NFKB1: variants seen among roughly 807,000 people sequenced by gnomAD.
The protein encoded by NFKB1 is nuclear factor kappa B subunit 1.
Under a neutral mutation model 105.1 loss-of-function variants are expected in NFKB1, and 9 were observed. The ratio of observed to expected loss-of-function variants is 0.09; its 90% confidence interval spans 0.05 to 0.15. The LOEUF is 0.15. Among genes scored for constraint, NFKB1 ranks in the 10% least tolerant of loss-of-function variants. The probability of loss-of-function intolerance (pLI) is 1.00; values close to 1 mark genes in which losing one functional copy is unlikely to be tolerated. For missense variants in NFKB1, 830 were observed against 1,203.7 expected (o/e 0.69, Z 4.59); for synonymous variants, 440 against 442.2 (o/e 1.00, Z 0.06).
At chr4:102,547,303 A>C (rs1279677655) in intron 5 of NFKB1, among the ~76,000 whole-genome samples, 1 of 152,206 alleles carries the variant, frequency 6.6e-6, no homozygotes, top group Non-Finnish European at 1.5e-5. Flanking sequence ...GAAAGAAAGG[A>C]TGAGCTGGCA....
At chr4:102,512,888 A>G (rs1418537824) in intron 1 of NFKB1, among the ~76,000 whole-genome samples, 5 of 152,336 alleles carry the variant, frequency 3.3e-5, no homozygotes, top group Middle Eastern at 6.8e-3. Context: ...ACATATTTTT[A>G]TGGATTTTTG....
chr4:102,604,418 C>T (rs1022364628), intron 16 of NFKB1, among the ~76,000 whole-genome samples: 1 of 152,158 alleles, frequency 6.6e-6, no homozygotes, highest in East Asian at 1.9e-4. Flanking sequence ...CCTGCATAAC[C>T]TCAGAACAGT....
rs4648051 is a variant in NFKB1, at chr4:102,593,836, A to G, written c.1210+268A>G. Among the ~76,000 whole-genome samples the G allele has an allele frequency of 0.25, 37,351 of 151,998 alleles. 5,853 individuals are homozygous for G. The highest frequency in any genetic ancestry group is 0.43 in the East Asian group (2,194 of 5,158). On this transcript the variant is annotated intron_variant, in intron 12 of 23. Coordinates refer to ENST00000226574, the MANE Select transcript of NFKB1 (RefSeq NM_003998.4). ...AATACCTTCCTAAAGATTTTGGTATATTTCTCTTTTACATTTTTTGACATA... is the reference window on the plus strand; with the variant it reads ...AATACCTTCCTAAAGATTTTGGTATGTTTCTCTTTTACATTTTTTGACATA...
intron 5 of NFKB1, among the ~76,000 whole-genome samples, chr4:102,564,969 T>G (rs1281562830): frequency 1.3e-5 from 2 of 152,188 alleles, no homozygotes; most frequent in East Asian, 3.8e-4. Flanking sequence ...ATTTCAGATG[T>G]CAACACCAAG....
intron 5 of NFKB1, among the ~76,000 whole-genome samples, chr4:102,545,931 G>T (rs758992733): frequency 1.3e-5 from 2 of 152,074 alleles, no homozygotes; most frequent in African/African-American, 2.4e-5. Flanking sequence ...ACGGCACAAC[G>T]TGGAAAACTG....
rs1278661577 is a variant in NFKB1 at position 102,616,587 on chromosome 4, A to G, written c.2903A>G (p.Lys968Arg). 3.1e-6 allele frequency: 5 copies of G among 1,613,894 alleles called. 1 individual carries two copies. The South Asian group carries it at 4.4e-5, about 14-fold the overall frequency. Residue 968 changes from lysine to arginine, a missense_variant, in exon 24 of 24, where the codon AAA becomes AGA. Physicochemically the swap from Lys to Arg is conservative, Grantham distance 26. Transcript: ENST00000226574. ...DYGQEGPLEG[K>R]I ...GGGCAGGAAGGACCTCTAGAAGGCA[A>G]AATTTAGCCTGCTGACAATTTCCCA...
chr4:102,592,434 C>T (rs953492086), intron 11 of NFKB1, among the ~76,000 whole-genome samples: 47 of 152,146 alleles, frequency 3.1e-4, no homozygotes, highest in African/African-American at 1.1e-3. Context: ...CTTCAGTAGC[C>T]ACCACCCTTA....
intron 1 of NFKB1, among the ~76,000 whole-genome samples, chr4:102,515,160 GA>G (rs2149102346): frequency 7.5e-6 from 1 of 132,452 alleles, no homozygotes; most frequent in East Asian, 2.2e-4. Context: ...GCCCAGGCTG[GA>G]GTGCAGTGGC....
intron 1 of NFKB1, among the ~76,000 whole-genome samples, chr4:102,502,390 G>GCGCGCGCACA (rs1311577382): frequency 1.9e-4 from 20 of 105,394 alleles, no homozygotes; most frequent in East Asian, 5.9e-4. Flanking sequence ...GCGCGCGCGC[G>GCGCGCGCACA]CACACACACA....
intron 11 of NFKB1, among the ~76,000 whole-genome samples, chr4:102,589,677 A>G (rs1390880577): frequency 6.6e-6 from 1 of 152,240 alleles, no homozygotes; most frequent in Non-Finnish European, 1.5e-5. Flanking sequence ...CTTTCTGAAC[A>G]TAAGCATGAC....
intron 15 of NFKB1, among the ~76,000 whole-genome samples, chr4:102,599,840 C>A (rs546162269): frequency 6.6e-5 from 10 of 152,284 alleles, no homozygotes; most frequent in African/African-American, 2.4e-4. Context: ...AAGCTCCCAA[C>A]AAATAGTAGC....
At chr4:102,555,865 T>G (rs551716170) in intron 5 of NFKB1, among the ~76,000 whole-genome samples, 1 of 152,296 alleles carries the variant, frequency 6.6e-6, no homozygotes, top group East Asian at 1.9e-4. Context: ...TGAGAAATTA[T>G]CAGCAGCATT....
chr4:102,605,377 G>A (rs565891409), intron 16 of NFKB1, among the ~76,000 whole-genome samples: 1 of 152,172 alleles, frequency 6.6e-6, no homozygotes, highest in Non-Finnish European at 1.5e-5. Flanking sequence ...CATGTGCTGT[G>A]GTCACCTACA....
intron 23 of NFKB1, among the ~76,000 whole-genome samples, chr4:102,613,990 A>G (rs1184225876): frequency 1.3e-5 from 2 of 152,082 alleles, no homozygotes; most frequent in African/African-American, 2.4e-5. Context: ...ATGCCACCAA[A>G]AGTCTCGCAA....
At chr4:102,582,744 C>G in intron 9 of NFKB1, 122 bp from the exon 10 acceptor site, 1 of 553,172 alleles carries the variant, frequency 1.8e-6, no homozygotes, top group Non-Finnish European at 3.0e-6. Flanking sequence ...ACCTTTTGAT[C>G]TTGTTTTTTA....
chr4:102,566,827 T>A (rs924219258), intron 5 of NFKB1, among the ~76,000 whole-genome samples, 160 bp from the exon 6 acceptor site: 1 of 152,216 alleles, frequency 6.6e-6, no homozygotes, highest in Non-Finnish European at 1.5e-5. Context: ...ACCCTGTCAT[T>A]TGTTCATCAC....
chr4:102,567,575 G>T (rs1039477620), intron 6 of NFKB1, among the ~76,000 whole-genome samples: 1 of 152,190 alleles, frequency 6.6e-6, no homozygotes, highest in Non-Finnish European at 1.5e-5. Context: ...GTGTGAATAT[G>T]TAGGGCTTTA....
chr4:102,616,698 G>A lies in NFKB1; in HGVS notation c.*104G>A, dbSNP rs41275743. The A allele has an allele frequency of 7.7e-3, 9,110 of 1,180,324 alleles. 82 individuals are homozygous for A. The highest frequency in any genetic ancestry group is 0.057 in the Middle Eastern group (285 of 5,016). 73.1% of individuals were successfully genotyped at this position (1,180,324 alleles called of 1,614,324 possible). ...GCATCCAAAGGTGCTCAGAGAGCCG[G>A]CCCGCCTGAATCATTCTCGATTTAA... On this transcript the variant is annotated 3_prime_UTR_variant, in exon 24 of 24. Transcript: ENST00000226574.
chr4:102,508,952 G>A lies in NFKB1; in HGVS notation c.-8+7164G>A, dbSNP rs1325805321. 2.0e-5 allele frequency among the ~76,000 whole-genome samples: 3 copies of A among 152,102 alleles called. No homozygotes were observed. The East Asian group carries it at 5.8e-4, about 29-fold the overall frequency. The stretch of plus-strand genomic sequence containing the variant: ...AAATTGTATATCTCATCTCATGGAG[G>A]GTCATAATGAAAGAAGTAAGAGAGA... On this transcript the variant is annotated intron_variant, in intron 1 of 23. Coordinates refer to ENST00000226574, the MANE Select transcript of NFKB1 (RefSeq NM_003998.4).
Sources: gnomAD v4.1 joint callset for allele counts (sites outside exome capture counted in the v4.1 genomes callset) on GRCh38, gnomAD v4.1.1 for gene constraint, MANE v1.5 for transcripts, NCBI Gene and HGNC (gene_info 2026-07-23, HGNC 2026-07-21) for gene names.